The following KCNK12 variants were observed in gnomAD, a reference collection of about 807,000 sequenced individuals.
KCNK12 encodes potassium two pore domain channel subfamily K member 12.
In KCNK12, 6 loss-of-function variants were observed where a neutral mutation model predicts 25.3. That is an observed-to-expected ratio of 0.24 (90% CI 0.13 to 0.47). The LOEUF (loss-of-function observed/expected upper bound fraction) is 0.47, where lower values mean the gene tolerates loss of function less well. Among genes scored for constraint, KCNK12 ranks in the 20% least tolerant of loss-of-function variants. The probability of loss-of-function intolerance (pLI) is 0.99; values close to 1 mark genes in which losing one functional copy is unlikely to be tolerated. For synonymous variants in KCNK12, 331 were observed against 311.1 expected (o/e 1.06, Z -0.67); for missense variants, 444 against 661.7 (o/e 0.67, Z 3.61).
In KCNK12 at chr2:47,520,871, C is replaced by T; in HGVS notation, c.*36G>A. On this transcript the variant is annotated 3_prime_UTR_variant, in exon 2 of 2. Transcript: ENST00000327876. This position sits in a 1 kb window ranked among gnomAD's most constrained non-coding sequence, Gnocchi z 5.0. The stretch of plus-strand genomic sequence containing the variant: ...CAAACCACGCCCGGCGGCCCCGCGG[C>T]CTGGAGAGGGTCCCCGGCGCGGGCG... 1 of 1,227,772 alleles carries T rather than the reference C, an allele frequency of 8.1e-7. No individual in the cohort carries two copies. Among genetic ancestry groups the T allele is most frequent in the Non-Finnish European group, 1.0e-6 (1 of 981,538 alleles). The allele number at this position is 1,227,772 out of a possible 1,614,324, so 76.1% of individuals were successfully genotyped here.
chr2:47,556,820 A>G lies in KCNK12; in HGVS notation c.391+13121T>C, dbSNP rs538526267. Among the ~76,000 whole-genome samples the G allele has an allele frequency of 6.6e-6, 1 of 152,230 alleles. No homozygotes were observed. Among genetic ancestry groups the G allele is most frequent in the Non-Finnish European group, 1.5e-5 (1 of 68,046 alleles). Reference sequence around the variant, plus strand: ...ATTATGATCTCACCCAAACAGGGTGATATCAGAGGATGGGAGCTGGAAGCA... The same window carrying G: ...ATTATGATCTCACCCAAACAGGGTGGTATCAGAGGATGGGAGCTGGAAGCA... On this transcript the variant is annotated intron_variant, in intron 1 of 1. Coordinates refer to ENST00000327876, the MANE Select transcript of KCNK12 (RefSeq NM_022055.2). This position sits in a 1 kb window ranked among gnomAD's most constrained non-coding sequence, Gnocchi z 4.8.
chr2:47,570,420 G>T lies in KCNK12; in HGVS notation c.-89C>A. ...CGGGAGCAGGAGCGTGAGGATGGTGGCCAGGGGTCCGGGGCCGCCGCGGAG... is the reference window on the plus strand; with the variant it reads ...CGGGAGCAGGAGCGTGAGGATGGTGTCCAGGGGTCCGGGGCCGCCGCGGAG... On this transcript the variant is annotated 5_prime_UTR_variant, in exon 1 of 2. Coordinates refer to ENST00000327876, the MANE Select transcript of KCNK12 (RefSeq NM_022055.2). 1 of 1,192,560 alleles carries T rather than the reference G, an allele frequency of 8.4e-7. No individual in the cohort carries two copies. The allele number at this position is 1,192,560 out of a possible 1,614,324, so 73.9% of individuals were successfully genotyped here. A position where few individuals can be genotyped will look rare whatever the true frequency, so the allele number is the denominator to read the frequency against.
intron 1 of KCNK12, among the ~76,000 whole-genome samples, chr2:47,546,067 A>T (rs916578435): frequency 6.6e-6 from 1 of 152,240 alleles, no homozygotes; most frequent in South Asian, 2.1e-4. Context: ...AGCAAGTGTC[A>T]TAAGTTCTTC....
At chr2:47,522,236 C>T (rs1441730264) in intron 1 of KCNK12, among the ~76,000 whole-genome samples, 2 of 152,182 alleles carry the variant, frequency 1.3e-5, no homozygotes, top group Non-Finnish European at 2.9e-5. Context: ...TTCATAAATA[C>T]ATTAATATAC....
chr2:47,554,713 G>A (rs1240769206), intron 1 of KCNK12, among the ~76,000 whole-genome samples: 4 of 152,182 alleles, frequency 2.6e-5, no homozygotes, highest in Admixed American at 6.5e-5. Flanking sequence ...CCTGACTTCC[G>A]CTTTTAAAGA....
chr2:47,536,626 A>G (rs1045952539), intron 1 of KCNK12, among the ~76,000 whole-genome samples: 1 of 152,252 alleles, frequency 6.6e-6, no homozygotes, highest in Non-Finnish European at 1.5e-5. Flanking sequence ...TAGTCAAAAC[A>G]CAATTGAGCT....
rs115353966 is a variant in KCNK12, at chr2:47,540,330, C to T, written c.392-18522G>A. On this transcript the variant is annotated intron_variant, in intron 1 of 1. Coordinates refer to ENST00000327876, the MANE Select transcript of KCNK12 (RefSeq NM_022055.2). The surrounding 1 kb of genome is among the most constrained non-coding windows in gnomAD (Gnocchi z 5.4). Reference sequence around the variant, plus strand: ...CCAGCCATGAGGTGTAGTCACTGTGCCAGGGGGCTGAGTGTCCGGCCTGGG... The same window carrying T: ...CCAGCCATGAGGTGTAGTCACTGTGTCAGGGGGCTGAGTGTCCGGCCTGGG... Among the ~76,000 whole-genome samples the T allele has an allele frequency of 2.8e-3, 423 of 152,300 alleles. No individual in the cohort carries two copies. The highest frequency in any genetic ancestry group is 9.6e-3 in the African/African-American group (398 of 41,554).
chr2:47,512,343 T>A lies in KCNK12; in HGVS notation c.*8564A>T, dbSNP rs1292056041. The A allele has an allele frequency of 6.2e-7, 1 of 1,612,686 alleles. No individual in the cohort carries two copies. The highest frequency in any genetic ancestry group is 1.7e-5 in the Admixed American group (1 of 59,990). On this transcript the variant is annotated 3_prime_UTR_variant, in exon 2 of 2. Coordinates refer to ENST00000327876, the MANE Select transcript of KCNK12 (RefSeq NM_022055.2). ...GAGCCAAAAGACCAGTGCCTCATTT[T>A]GCTGACATGGAAAAGGAAACTTCGT...
chr2:47,549,105 G>A (rs1226287626), intron 1 of KCNK12, among the ~76,000 whole-genome samples: 3 of 150,396 alleles, frequency 2.0e-5, no homozygotes, highest in Admixed American at 6.6e-5. Context: ...CCAGAGAGCT[G>A]TAAACCAAAC....
chr2:47,542,199 G>T (rs938572707), intron 1 of KCNK12, among the ~76,000 whole-genome samples: 1 of 152,198 alleles, frequency 6.6e-6, no homozygotes, highest in East Asian at 1.9e-4. Flanking sequence ...CACTTCTGTC[G>T]AGGCTCTCTC....
rs1485640734 is a variant in KCNK12, at chr2:47,519,582, C to G, written c.*1325G>C. ...GGCCTTCCTCCAGGTCAGGGACCCC[C>G]TATGCTGCAGAAGGCAAGTCTGGGA... On this transcript the variant is annotated 3_prime_UTR_variant, in exon 2 of 2. Coordinates refer to ENST00000327876, the MANE Select transcript of KCNK12 (RefSeq NM_022055.2). The G allele has an allele frequency of 6.6e-6, 1 of 152,232 alleles. No individual in the cohort carries two copies. Among genetic ancestry groups the G allele is most frequent in the East Asian group, 1.9e-4 (1 of 5,198 alleles). 9.4% of individuals were successfully genotyped at this position (152,232 alleles called of 1,614,324 possible). A position where few individuals can be genotyped will look rare whatever the true frequency, so the allele number is the denominator to read the frequency against.
Position 47,521,587 on chromosome 2 carries a change from T to C in KCNK12, c.613A>G (p.Ser205Gly). The change falls in exon 2 of 2, where the codon AGC becomes GGC. Residue 205 changes from serine to glycine, a missense_variant. Transcript: ENST00000327876. ...RRGSALSEADSLAGWKPSVYH... is the reference protein window; with the variant it reads ...RRGSALSEADGLAGWKPSVYH... ...ACCGAGGGCTTCCAGCCCGCCAGGC[T>C]GTCGGCCTCCGAGAGCGCGGAGCCG... The C allele has an allele frequency of 2.6e-6, 4 of 1,560,806 alleles. No homozygotes were observed. Among genetic ancestry groups the C allele is most frequent in the Non-Finnish European group, 3.5e-6 (4 of 1,152,344 alleles).
At position 47,565,847 on chromosome 2, in the gene KCNK12, C is replaced by T. The variant is rs900388686; in HGVS notation, c.391+4094G>A. 10 of 152,204 alleles carry T rather than the reference C, an allele frequency of 6.6e-5. No individual in the cohort carries two copies. The highest frequency in any genetic ancestry group is 2.4e-4 in the African/African-American group (10 of 41,442). The allele number at this position is 152,204 out of a possible 1,614,324, so 9.4% of individuals were successfully genotyped here. ...ACAGTTATCTTTATCTTTAGGAGTT[C>T]ATACAATCACAGGAAGTGCAGACAA... On this transcript the variant is annotated intron_variant, in intron 1 of 1. Transcript: ENST00000327876. The surrounding 1 kb of genome is among the most constrained non-coding windows in gnomAD (Gnocchi z 5.0).
chr2:47,556,352 G>A lies in KCNK12; in HGVS notation c.391+13589C>T, dbSNP rs190374984. On this transcript the variant is annotated intron_variant, in intron 1 of 1. Coordinates refer to ENST00000327876, the MANE Select transcript of KCNK12 (RefSeq NM_022055.2). This position sits in a 1 kb window ranked among gnomAD's most constrained non-coding sequence, Gnocchi z 4.8. ...CTCCACATGGTGGGTGGATTTAGGG[G>A]TGTGAAGATTACTTCTGATTACTTT... 1.2e-4 allele frequency among the ~76,000 whole-genome samples: 18 copies of A among 152,284 alleles called. No individual in the cohort carries two copies. In the East Asian group the frequency reaches 3.5e-3, roughly 29 times the overall value.
rs1453283987 is a variant in KCNK12, at chr2:47,540,869, G to A, written c.392-19061C>T. Among the ~76,000 whole-genome samples, 1 of 152,172 alleles carries A rather than the reference G, an allele frequency of 6.6e-6. No individual in the cohort carries two copies. The highest frequency in any genetic ancestry group is 2.4e-5 in the African/African-American group (1 of 41,430). On this transcript the variant is annotated intron_variant, in intron 1 of 1. Coordinates refer to ENST00000327876, the MANE Select transcript of KCNK12 (RefSeq NM_022055.2). The surrounding 1 kb of genome is among the most constrained non-coding windows in gnomAD (Gnocchi z 5.4). ...AGGAGGCTGAGGCAGGATTGTTTGA[G>A]CCCAGGAGGTCAAGGCTGGAGTGAG...
In KCNK12 at chr2:47,515,626, G is replaced by C. The variant is rs1021632484; in HGVS notation, c.*5281C>G. On this transcript the variant is annotated 3_prime_UTR_variant, in exon 2 of 2. Transcript: ENST00000327876. Reference sequence around the variant, plus strand: ...TGAGTGGTCATGCTCAACAGGGTGGGGAGCCCAGGGGAGTGGGGAGTGATC... The same window carrying C: ...TGAGTGGTCATGCTCAACAGGGTGGCGAGCCCAGGGGAGTGGGGAGTGATC... Among the ~76,000 whole-genome samples, 1 of 152,216 alleles carries C rather than the reference G, an allele frequency of 6.6e-6. No individual in the cohort carries two copies. The highest frequency in any genetic ancestry group is 6.5e-5 in the Admixed American group (1 of 15,280).
chr2:47,534,979 A>C, intron 1 of KCNK12: 1 of 225,858 alleles, frequency 4.4e-6, no homozygotes, highest in Non-Finnish European at 8.8e-6. Flanking sequence ...ACACCTGGAG[A>C]AGCACAGCCT....
At chr2:47,534,559 C>G (rs1377535817) in intron 1 of KCNK12, among the ~76,000 whole-genome samples, 1 of 141,890 alleles carries the variant, frequency 7.0e-6, no homozygotes, top group Non-Finnish European at 1.5e-5. Flanking sequence ...GAGCCCTCAT[C>G]TCAGCCCAGA....
rs1256434857 is a variant in KCNK12, at chr2:47,511,589, G to C, written c.*9318C>G. ...CAGGGTAACCAAATGCTTTTGCCCT[G>C]GGGGTGGGAGAGGGATGGGTGCACG... is the stretch of plus-strand genomic sequence containing the variant. On this transcript the variant is annotated 3_prime_UTR_variant, in exon 2 of 2. Coordinates refer to ENST00000327876, the MANE Select transcript of KCNK12 (RefSeq NM_022055.2). The surrounding 1 kb of genome is among the most constrained non-coding windows in gnomAD (Gnocchi z 4.3). Among the ~76,000 whole-genome samples, 1 of 152,214 alleles carries C rather than the reference G, an allele frequency of 6.6e-6. No individual in the cohort carries two copies. Among genetic ancestry groups the C allele is most frequent in the African/African-American group, 2.4e-5 (1 of 41,444 alleles).
Sources: gnomAD v4.1 joint callset for allele counts (sites outside exome capture counted in the v4.1 genomes callset) on GRCh38, gnomAD v4.1.1 for gene constraint, Gnocchi (gnomAD v3.1) non-coding constraint, MANE v1.5 for transcripts, NCBI Gene and HGNC (gene_info 2026-07-23, HGNC 2026-07-21) for gene names.